BANK1: variants seen among roughly 807,000 people sequenced by gnomAD.
The protein encoded by BANK1 is B-cell scaffold protein with ankyrin repeats.
Under a neutral mutation model 94.5 loss-of-function variants are expected in BANK1, and 95 were observed. The observed-to-expected ratio is 1.00, with a 90% confidence interval of 0.85 to 1.19. The LOEUF (loss-of-function observed/expected upper bound fraction) is 1.19, where lower values mean the gene tolerates loss of function less well. Among genes scored for constraint, BANK1 ranks in the 50% most tolerant of loss-of-function variants. The probability of loss-of-function intolerance (pLI) is 0.00; values close to 1 mark genes in which losing one functional copy is unlikely to be tolerated. For synonymous variants in BANK1, 334 were observed against 308.4 expected, an observed-to-expected ratio of 1.08 and a Z score of -0.87; for missense variants, 987 against 932.2, an observed-to-expected ratio of 1.06 and a Z score of -0.77.
At chr4:101,930,861 C>A (rs1723314850) in intron 7 of BANK1, among the ~76,000 whole-genome samples, 1 of 151,480 alleles carries the variant, frequency 6.6e-6, no homozygotes, top group Non-Finnish European at 1.5e-5. Context: ...TATTCTCTAA[C>A]AGTTTGTCCC....
intron 7 of BANK1, among the ~76,000 whole-genome samples, chr4:101,936,825 G>A (rs1224085572): frequency 6.6e-6 from 1 of 151,622 alleles, no homozygotes; most frequent in Non-Finnish European, 1.5e-5. Flanking sequence ...TGGTAAGAAT[G>A]TAGAGAAAAG....
chr4:102,025,530 A>C (rs777445411), intron 9 of BANK1, 21 bp downstream of exon 9: 1 of 1,599,620 alleles, frequency 6.3e-7, no homozygotes, highest in South Asian at 1.1e-5. Context: ...GGTTAGAAAA[A>C]AACAAAACAA....
intron 1 of BANK1, among the ~76,000 whole-genome samples, chr4:101,804,798 C>G (rs4698969): frequency 6.6e-6 from 1 of 151,880 alleles, no homozygotes; most frequent in African/African-American, 2.4e-5. Context: ...GTTGATAAAT[C>G]GTTTATGTTA....
intron 2 of BANK1, among the ~76,000 whole-genome samples, chr4:101,838,771 A>G (rs1003683737): frequency 2.6e-5 from 4 of 152,228 alleles, no homozygotes; most frequent in Admixed American, 2.0e-4. Context: ...TTTGACTTGA[A>G]CATGCTCTCC....
At chr4:101,969,592 A>T (rs932762454) in intron 7 of BANK1, among the ~76,000 whole-genome samples, 10 of 151,444 alleles carry the variant, frequency 6.6e-5, no homozygotes, top group African/African-American at 2.4e-4. Context: ...TTTCTTTGTA[A>T]AAAAAAAAGT....
At chr4:101,880,317 A>T (rs4463068) in intron 5 of BANK1, among the ~76,000 whole-genome samples, 70,464 of 151,730 alleles carry the variant, frequency 0.46, 17,896 homozygotes, top group African/African-American at 0.68. Context: ...AACAAGAAAT[A>T]AAAAAAAGTC....
chr4:102,052,467 AC>A (rs1728085441), intron 11 of BANK1, among the ~76,000 whole-genome samples: 1 of 151,618 alleles, frequency 6.6e-6, no homozygotes, highest in South Asian at 2.1e-4. Flanking sequence ...AACTAAAACT[AC>A]TCCAGAAGAA....
intron 5 of BANK1, among the ~76,000 whole-genome samples, chr4:101,885,376 C>T (rs1728815740): frequency 6.6e-6 from 1 of 152,160 alleles, no homozygotes; most frequent in Non-Finnish European, 1.5e-5. Flanking sequence ...ACTTTTCTCC[C>T]TCTCCCTGTG....
intron 7 of BANK1, among the ~76,000 whole-genome samples, chr4:101,958,185 A>T (rs1433814846): frequency 2.0e-5 from 3 of 151,734 alleles, no homozygotes; most frequent in Non-Finnish European, 2.9e-5. Flanking sequence ...TTTATACTTA[A>T]CCATCTATTT....
intron 4 of BANK1, 46 bp from the exon 5 acceptor site, chr4:101,870,459 T>C: frequency 6.6e-7 from 1 of 1,522,296 alleles, no homozygotes; most frequent in South Asian, 1.3e-5. Flanking sequence ...ATAGTATGAA[T>C]ATGCATTATA....
chr4:102,009,251 T>C (rs1413419230), intron 7 of BANK1, among the ~76,000 whole-genome samples: 1 of 152,230 alleles, frequency 6.6e-6, no homozygotes, highest in Non-Finnish European at 1.5e-5. Flanking sequence ...GAAAGAACTA[T>C]ACAACTGGGG....
intron 7 of BANK1, among the ~76,000 whole-genome samples, chr4:101,979,870 G>A (rs561619549): frequency 6.6e-6 from 1 of 151,912 alleles, no homozygotes; most frequent in South Asian, 2.1e-4. Context: ...TTTTATGGGA[G>A]TAAATTGGTA....
chr4:101,904,774 C>G (rs986562396), intron 6 of BANK1, among the ~76,000 whole-genome samples: 2 of 152,160 alleles, frequency 1.3e-5, no homozygotes, highest in Non-Finnish European at 1.5e-5. Flanking sequence ...CCATCAGGCC[C>G]TTCACAATGC....
At chr4:101,919,421 T>C (rs548267721) in intron 7 of BANK1, among the ~76,000 whole-genome samples, 4 of 152,080 alleles carry the variant, frequency 2.6e-5, no homozygotes, top group African/African-American at 9.6e-5. Flanking sequence ...AGGTGCTCCA[T>C]AAGTAACAAA....
chr4:102,023,607 T>C (rs1293153911), intron 8 of BANK1, among the ~76,000 whole-genome samples: 1 of 152,182 alleles, frequency 6.6e-6, no homozygotes, highest in East Asian at 1.9e-4. Context: ...TGGATTTCCA[T>C]TGGTATTACC....
At chr4:101,981,990 A>G (rs118100642) in intron 7 of BANK1, 1 of 151,976 alleles carries the variant, frequency 6.6e-6, no homozygotes, top group African/African-American at 2.4e-5. Flanking sequence ...TTCTGCTCCC[A>G]CTCAGTTCCC....
At chr4:102,007,400 G>C (rs1055629734) in intron 7 of BANK1, among the ~76,000 whole-genome samples, 1 of 151,160 alleles carries the variant, frequency 6.6e-6, no homozygotes, top group Admixed American at 6.6e-5. Flanking sequence ...AGGTTCAAGA[G>C]ACAAATCAGT....
intron 7 of BANK1, among the ~76,000 whole-genome samples, chr4:102,017,875 G>A (rs1336010633): frequency 6.6e-6 from 1 of 152,030 alleles, no homozygotes; most frequent in African/African-American, 2.4e-5. Flanking sequence ...TATTTTCCTT[G>A]AGTTTAACAG....
intron 11 of BANK1, among the ~76,000 whole-genome samples, chr4:102,054,455 G>A (rs1265553650): frequency 2.0e-5 from 3 of 152,012 alleles, no homozygotes; most frequent in Non-Finnish European, 4.4e-5. Flanking sequence ...TTACAAAAAT[G>A]GAATGAGAAA....
Sources: gnomAD v4.1 joint callset for allele counts (sites outside exome capture counted in the v4.1 genomes callset) on GRCh38, gnomAD v4.1.1 for gene constraint, MANE v1.5 for transcripts, NCBI Gene and HGNC (gene_info 2026-07-23, HGNC 2026-07-21) for gene names.